The following PRRC2C variants were observed in gnomAD, a reference collection of about 807,000 sequenced individuals.
The protein encoded by PRRC2C is proline rich coiled-coil 2C.
Under a neutral mutation model 317.2 loss-of-function variants are expected in PRRC2C, and 72 were observed. That is an observed-to-expected ratio of 0.23 (90% confidence interval 0.19 to 0.28). PRRC2C has a LOEUF of 0.28. Among genes scored for constraint, PRRC2C ranks in the 10% least tolerant of loss-of-function variants. The pLI, the probability that PRRC2C is intolerant of heterozygous loss-of-function variation, is 1.00. For synonymous variants in PRRC2C, 1,296 were observed against 1,205.9 expected, an observed-to-expected ratio of 1.07 and a Z score of -1.55; for missense variants, 3,074 against 3,459.7, an observed-to-expected ratio of 0.89 and a Z score of 2.80.
Position 171,535,202 on chromosome 1 carries a change from T to C in PRRC2C, c.1874-226T>C, listed in dbSNP as rs138941988. ...TTTTATATGATGAAGCATTTGGATCTCTGCTCTCCATCTCTAAGAATGCAG... is the reference window on the plus strand; with the variant it reads ...TTTTATATGATGAAGCATTTGGATCCCTGCTCTCCATCTCTAAGAATGCAG... On this transcript the variant is annotated intron_variant, in intron 12 of 34. Transcript: ENST00000647382. Among the ~76,000 whole-genome samples the C allele has an allele frequency of 3.3e-3, 495 of 152,292 alleles. 4 individuals carry two copies. Among genetic ancestry groups the C allele is most frequent in the African/African-American group, 0.011 (473 of 41,582 alleles).
rs553130262 is a variant in PRRC2C, at chr1:171,505,799, A to G, written c.-57-6233A>G. On this transcript the variant is annotated intron_variant, in intron 1 of 34. Transcript: ENST00000647382. The stretch of plus-strand genomic sequence containing the variant: ...TAGTTTTTCTGCATCCACATCATGC[A>G]CTGCATAACGATGTTTCAGTCAACA... Among the ~76,000 whole-genome samples, 7 of 152,346 alleles carry G rather than the reference A, an allele frequency of 4.6e-5. No individual in the cohort carries two copies. In the Middle Eastern group the frequency reaches 0.014, roughly 296 times the overall value.
chr1:171,555,879 G>A (rs1213349436), intron 18 of PRRC2C, among the ~76,000 whole-genome samples: 7 of 152,194 alleles, frequency 4.6e-5, no homozygotes, highest in Admixed American at 4.6e-4. Flanking sequence ...CAGGGCCAGG[G>A]ACCCACTTGA....
intron 1 of PRRC2C, among the ~76,000 whole-genome samples, chr1:171,501,659 C>A (rs905555367): frequency 6.6e-6 from 1 of 152,062 alleles, no homozygotes; most frequent in Admixed American, 6.6e-5. Context: ...ATAAAAAGTA[C>A]TAACATTGTA....
Position 171,550,073 on chromosome 1 carries a change from C to G in PRRC2C, c.4973-13C>G, listed in dbSNP as rs569848860. On this transcript the variant is annotated splice_polypyrimidine_tract_variant and intron_variant, in intron 17 of 34. Transcript: ENST00000647382. ...AAACAGAAAATATCTTAAATCCTTTCCCACACCCACAGGTGTTGTTATAAT... is the reference window on the plus strand; with the variant it reads ...AAACAGAAAATATCTTAAATCCTTTGCCACACCCACAGGTGTTGTTATAAT... The G allele has an allele frequency of 2.8e-5, 43 of 1,561,926 alleles. No homozygotes were observed. In the African/African-American group the frequency reaches 3.6e-4, roughly 13 times the overall value.
intron 34 of PRRC2C, 124 bp from the exon 35 acceptor site, chr1:171,591,463 G>T: frequency 9.6e-7 from 1 of 1,036,934 alleles, no homozygotes; most frequent in Non-Finnish European, 1.3e-6. Context: ...AGGTACTTTT[G>T]GCTTTGGCCA....
chr1:171,531,736 C>T (rs1481465770), intron 11 of PRRC2C, among the ~76,000 whole-genome samples: 4 of 152,186 alleles, frequency 2.6e-5, no homozygotes, highest in Non-Finnish European at 5.9e-5. Flanking sequence ...TCCTCCGATT[C>T]TCCACTCCGG....
At chr1:171,585,128 T>G (rs188305355) in intron 30 of PRRC2C, among the ~76,000 whole-genome samples, 303 of 152,254 alleles carry the variant, frequency 2.0e-3, no homozygotes, top group African/African-American at 7.1e-3. Context: ...CAACTTAGGT[T>G]TCCGTGTAAT....
chr1:171,499,665 A>C (rs770326925), intron 1 of PRRC2C, among the ~76,000 whole-genome samples: 1 of 152,114 alleles, frequency 6.6e-6, no homozygotes, highest in Admixed American at 6.5e-5. Context: ...TTAGCCGGGC[A>C]TGGTGGCAGA....
intron 1 of PRRC2C, among the ~76,000 whole-genome samples, chr1:171,496,789 G>GTT (rs1668187981): frequency 6.6e-6 from 1 of 151,552 alleles, no homozygotes; most frequent in Non-Finnish European, 1.5e-5. Context: ...GTGTGTGTGT[G>GTT]TGTGTGTGTG....
chr1:171,552,369 C>T (rs1380527289), intron 18 of PRRC2C, among the ~76,000 whole-genome samples: 20 of 152,092 alleles, frequency 1.3e-4, no homozygotes, highest in East Asian at 7.7e-4. Context: ...TGGGCTGAGA[C>T]GATGGGGTTT....
At position 171,584,088 on chromosome 1, in the gene PRRC2C, A is replaced by G. The variant is rs374939665; in HGVS notation, c.7542A>G (p.Gln2514=). 7 of 1,613,864 alleles carry G rather than the reference A, an allele frequency of 4.3e-6. No homozygotes were observed. The African/African-American group carries it at 5.3e-5, about 12-fold the overall frequency. The change falls in exon 29 of 35, where the codon CAA becomes CAG. Residue 2514 remains glutamine (Q), a synonymous_variant. Coordinates refer to ENST00000647382, the MANE Select transcript of PRRC2C (RefSeq NM_001387844.1). ...AKAQSGLAFQ[Q]TSNTQPIPIL... Reference sequence around the variant, plus strand: ...CACAATCCGGTCTTGCCTTTCAGCAAACATCAAATACTCAGCCCATTCCTA... The same window carrying G: ...CACAATCCGGTCTTGCCTTTCAGCAGACATCAAATACTCAGCCCATTCCTA...
chr1:171,555,878 G>T (rs1251193962), intron 18 of PRRC2C, among the ~76,000 whole-genome samples: 1 of 152,174 alleles, frequency 6.6e-6, no homozygotes, highest in East Asian at 1.9e-4. Flanking sequence ...ACAGGGCCAG[G>T]GACCCACTTG....
At chr1:171,575,238 T>G in intron 25 of PRRC2C, 110 bp downstream of exon 25, 1 of 1,098,776 alleles carries the variant, frequency 9.1e-7, no homozygotes, top group African/African-American at 1.6e-5. Context: ...TATTCAATCT[T>G]CCCACCTCAG....
In PRRC2C at chr1:171,541,039, C is replaced by T; in HGVS notation, c.3573C>T (p.Gly1191=). The part of the protein sequence containing the change: ...WFPDQGYRGR[G]RGEYYSRGRS... ...CAGATCAAGGATACAGAGGTCGAGGCCGAGGTGAATATTACTCCAGAGGTC... is the reference window on the plus strand; with the variant it reads ...CAGATCAAGGATACAGAGGTCGAGGTCGAGGTGAATATTACTCCAGAGGTC... Residue 1191 remains glycine, a synonymous_variant, in exon 16 of 35, where the codon GGC becomes GGT. Coordinates refer to ENST00000647382, the MANE Select transcript of PRRC2C (RefSeq NM_001387844.1). The surrounding 1 kb of genome is among the most constrained non-coding windows in gnomAD (Gnocchi z 4.1). 1.2e-6 allele frequency: 2 copies of T among 1,612,990 alleles called. No homozygotes were observed. The highest frequency in any genetic ancestry group is 1.7e-6 in the Non-Finnish European group (2 of 1,179,576).
At chr1:171,577,402 A>C in intron 25 of PRRC2C, 32 bp from the exon 26 acceptor site, 1 of 1,518,410 alleles carries the variant, frequency 6.6e-7, no homozygotes, top group East Asian at 2.3e-5. Flanking sequence ...AATATGCTCT[A>C]TTTTCCCCTT....
At chr1:171,512,536 T>G (rs1052678102) in intron 2 of PRRC2C, 10 of 279,966 alleles carry the variant, frequency 3.6e-5, no homozygotes, top group Non-Finnish European at 7.0e-5. Context: ...TTTTTAATTA[T>G]AGACTAGAGA....
chr1:171,537,081 AAAATTC>A (rs1299918185), intron 14 of PRRC2C, among the ~76,000 whole-genome samples, 176 bp from the exon 15 acceptor site: 1 of 152,200 alleles, frequency 6.6e-6, no homozygotes, highest in Non-Finnish European at 1.5e-5. Context: ...CAGCAGTAAT[AAAATTC>A]CATTCACAGA....
Position 171,524,908 on chromosome 1 carries a change from A to G in PRRC2C, c.1143A>G (p.Ile381Met). 1 of 1,611,496 alleles carries G rather than the reference A, an allele frequency of 6.2e-7. No homozygotes were observed. The highest frequency in any genetic ancestry group is 1.7e-4 in the Middle Eastern group (1 of 6,054). ...EVSNTKSSSQIPAQPSVAKVP... is the reference protein window; with the variant it reads ...EVSNTKSSSQMPAQPSVAKVP... ...CCAACACTAAATCATCTTCCCAAAT[A>G]CCTGCCCAACCATCAGTAGCAAAAG... is the stretch of plus-strand genomic sequence containing the variant. Residue 381 changes from isoleucine (I) to methionine (M), a missense_variant, in exon 10 of 35, where the codon ATA (isoleucine) becomes ATG (methionine). By Grantham distance (10) the Ile-to-Met change is conservative. Coordinates refer to ENST00000647382, the MANE Select transcript of PRRC2C (RefSeq NM_001387844.1).
chr1:171,527,239 TCTC>T (rs1674787585), intron 10 of PRRC2C, among the ~76,000 whole-genome samples: 1 of 151,742 alleles, frequency 6.6e-6, no homozygotes, highest in African/African-American at 2.4e-5. Context: ...TTCAAGCAGT[TCTC>T]CTGTCTCAGC....
Sources: allele counts gnomAD v4.1 joint callset (sites outside exome capture counted in the v4.1 genomes callset), GRCh38; gene constraint gnomAD v4.1.1; non-coding constraint Gnocchi (gnomAD v3.1); transcripts MANE v1.5; gene names NCBI Gene and HGNC (gene_info 2026-07-23, HGNC 2026-07-21).